Variants in TMIGD3 observed in about 807,000 individuals in gnomAD.
TMIGD3 encodes the protein AD026 protein (AD026).
TMIGD3 carries 21 observed loss-of-function variants against 28.1 expected under a neutral mutation model. That is an observed-to-expected ratio of 0.75 (90% CI 0.53 to 1.08). The LOEUF is 1.08. Among genes scored for constraint, TMIGD3 ranks in the 50% least tolerant of loss-of-function variants. TMIGD3 has a pLI of 0.00. For synonymous variants in TMIGD3, 151 were observed against 162.1 expected (o/e 0.93, Z 0.52); for missense variants, 416 against 435.6 (o/e 0.96, Z 0.40).
intron 1 of TMIGD3, among the ~76,000 whole-genome samples, chr1:111,540,784 T>C (rs1656796479): frequency 1.3e-5 from 2 of 152,152 alleles, no homozygotes; most frequent in African/African-American, 2.4e-5. Flanking sequence ...ATTCCAGGGG[T>C]ATAGAACCTG....
chr1:111,536,264 T>C (rs1180538845), intron 1 of TMIGD3, among the ~76,000 whole-genome samples: 2 of 151,714 alleles, frequency 1.3e-5, no homozygotes, highest in East Asian at 3.9e-4. Context: ...AAAACACTGA[T>C]ATCAACAAAA....
intron 1 of TMIGD3, among the ~76,000 whole-genome samples, chr1:111,491,135 T>C (rs754046017): frequency 6.6e-6 from 1 of 152,228 alleles, no homozygotes; most frequent in Non-Finnish European, 1.5e-5. Context: ...CAATTTCTTA[T>C]ACAGTTGAGA....
chr1:111,546,120 G>C (rs1311670088), intron 1 of TMIGD3, among the ~76,000 whole-genome samples: 1 of 152,088 alleles, frequency 6.6e-6, no homozygotes, highest in East Asian at 1.9e-4. Context: ...ATTTCCACAT[G>C]GATTTTAGGA....
At chr1:111,549,151 G>T (rs1256526421) in intron 1 of TMIGD3, among the ~76,000 whole-genome samples, 3 of 151,960 alleles carry the variant, frequency 2.0e-5, no homozygotes, top group Admixed American at 1.3e-4. Context: ...TTTCCCTGTT[G>T]TCTTTGTCTG....
intron 1 of TMIGD3, among the ~76,000 whole-genome samples, chr1:111,537,956 G>T (rs1261399406): frequency 6.6e-6 from 1 of 152,040 alleles, no homozygotes; most frequent in East Asian, 1.9e-4. Context: ...TACTAAAATG[G>T]CCCTCATGCT....
At chr1:111,542,349 G>C in intron 1 of TMIGD3, 1 of 385,312 alleles carries the variant, frequency 2.6e-6, no homozygotes, top group Non-Finnish European at 5.4e-6. Context: ...CTCCTTCCAC[G>C]TGGGTGAAGG....
At chr1:111,561,254 G>A (rs1657724886) in intron 1 of TMIGD3, among the ~76,000 whole-genome samples, 1 of 152,176 alleles carries the variant, frequency 6.6e-6, no homozygotes, top group South Asian at 2.1e-4. Context: ...CTCCCAAGTA[G>A]CTGGGAGTAC....
intron 1 of TMIGD3, among the ~76,000 whole-genome samples, chr1:111,513,036 G>A (rs368346238): frequency 2.6e-5 from 4 of 152,152 alleles, no homozygotes; most frequent in Admixed American, 6.6e-5. Context: ...TGCGAACCCC[G>A]GGGAAAGGCT....
intron 1 of TMIGD3, among the ~76,000 whole-genome samples, chr1:111,511,311 C>G (rs1655685012): frequency 6.6e-6 from 1 of 152,178 alleles, no homozygotes; most frequent in Non-Finnish European, 1.5e-5. Context: ...GCATGAAGAT[C>G]CTAAAATATA....
At chr1:111,494,826 AC>A (rs1455568027) in intron 1 of TMIGD3, among the ~76,000 whole-genome samples, 1 of 152,188 alleles carries the variant, frequency 6.6e-6, no homozygotes, top group Non-Finnish European at 1.5e-5. Flanking sequence ...AGAATGGAGA[AC>A]CCACAAGTAA....
At chr1:111,524,744 C>T (rs888310516) in intron 1 of TMIGD3, among the ~76,000 whole-genome samples, 5 of 152,046 alleles carry the variant, frequency 3.3e-5, no homozygotes, top group Non-Finnish European at 5.9e-5. Flanking sequence ...CTCAGCCTCT[C>T]GAGTAGCTGG....
intron 1 of TMIGD3, among the ~76,000 whole-genome samples, chr1:111,518,025 T>A (rs1435679065): frequency 6.6e-6 from 1 of 152,210 alleles, no homozygotes; most frequent in Non-Finnish European, 1.5e-5. Context: ...ATAAGTAGGC[T>A]GAGGTTCAGT....
chr1:111,496,165 A>C (rs1654880414), intron 1 of TMIGD3, among the ~76,000 whole-genome samples: 1 of 152,248 alleles, frequency 6.6e-6, no homozygotes, highest in Non-Finnish European at 1.5e-5. Context: ...AGTTTAAAAC[A>C]TAAAAAATTA....
chr1:111,500,409 G>A (rs768837422), intron 1 of TMIGD3: 3 of 1,614,088 alleles, frequency 1.9e-6, no homozygotes, highest in South Asian at 2.2e-5. Context: ...AAACAAATTG[G>A]CATGAAAGGA....
rs532649875 is a variant in TMIGD3, at chr1:111,549,366, G to A, written c.107+14480C>T. On this transcript the variant is annotated intron_variant, in intron 1 of 5. Coordinates refer to the TMIGD3 transcript ENST00000369717. ...TTTTTCCCCCTTTTAAAACATGGTC[G>A]GGCTGGGCACGGTGGCTCACGCTTG... Among the ~76,000 whole-genome samples the A allele has an allele frequency of 1.8e-4, 26 of 144,294 alleles. No homozygotes were observed. The South Asian group carries it at 5.4e-3, about 30-fold the overall frequency. The allele number at this position is 144,294 out of a possible 152,430, so 94.7% of individuals were successfully genotyped here.
chr1:111,503,315 T>A lies in TMIGD3; in HGVS notation c.40A>T (p.Thr14Ser). ...NSTALSLANVTYITMEIFIGL... is the reference protein window; with the variant it reads ...NSTALSLANVSYITMEIFIGL... ...ATGAAAATTTCCATGGTGATGTAGG[T>A]AACATTGGCCAATGACAGAGCAGTG... Residue 14 changes from threonine to serine, a missense_variant, in exon 1 of 6, where the codon ACC (threonine) becomes TCC (serine). Transcript: ENST00000369716. The A allele has an allele frequency of 6.2e-7, 1 of 1,614,022 alleles. No homozygotes were observed. Among genetic ancestry groups the A allele is most frequent in the Non-Finnish European group, 8.5e-7 (1 of 1,179,966 alleles).
chr1:111,545,385 A>G (rs1228755097), intron 1 of TMIGD3, among the ~76,000 whole-genome samples: 1 of 152,120 alleles, frequency 6.6e-6, no homozygotes, highest in African/African-American at 2.4e-5. Flanking sequence ...GATGTTAAGC[A>G]TCTTTTCACA....
intron 1 of TMIGD3, among the ~76,000 whole-genome samples, chr1:111,511,007 G>T (rs1464754656): frequency 6.6e-6 from 1 of 152,188 alleles, no homozygotes; most frequent in Non-Finnish European, 1.5e-5. Context: ...GCTTCCTTAG[G>T]AATCGCACTG....
Position 111,502,164 on chromosome 1 carries a change from TTATTATAATAAATATATAGGATATATA to T in TMIGD3, c.350+814_350+840del, listed in dbSNP as rs1557824147. Among the ~76,000 whole-genome samples, 47 of 32,422 alleles carry T rather than the reference TTATTATAATAAATATATAGGATATATA, an allele frequency of 1.4e-3. 2 individuals are homozygous for T. The highest frequency in any genetic ancestry group is 8.0e-3 in the East Asian group (14 of 1,742). The allele number at this position is 32,422 out of a possible 152,430, so 21.3% of individuals were successfully genotyped here. On this transcript the variant is annotated intron_variant, in intron 1 of 5. Transcript: ENST00000369716. ...TATAATAAATATATAGGATATATAT[TTATTATAATAAATATATAGGATATATA>T]TATTATAATAAATATATAGGATATA... is the stretch of plus-strand genomic sequence containing the variant.
Sources: allele counts gnomAD v4.1 joint callset (sites outside exome capture counted in the v4.1 genomes callset), GRCh38; gene constraint gnomAD v4.1.1; transcripts MANE v1.5; gene names NCBI Gene and HGNC (gene_info 2026-07-23, HGNC 2026-07-21).